Variants in CENPW observed in about 807,000 individuals in gnomAD.
CENPW encodes the protein centromere protein W, also known as cancer-up-regulated gene 2 protein.
CENPW carries 3 observed loss-of-function variants against 11.1 expected under a neutral mutation model. The ratio of observed to expected loss-of-function variants is 0.27; its 90% CI spans 0.12 to 0.70. The LOEUF is 0.70. Among genes scored for constraint, CENPW ranks in the 30% least tolerant of loss-of-function variants. The pLI is 0.77. For missense variants in CENPW, 100 were observed against 105.6 expected (o/e 0.95, Z 0.23); for synonymous variants, 38 against 42.0 (o/e 0.91, Z 0.37).
chr6:126,462,181 G>A, the CENPW span, among the ~76,000 whole-genome samples: 3 of 151,794 alleles, frequency 2.0e-5, no homozygotes, highest in Non-Finnish European at 4.4e-5. Flanking sequence ...ATGTATTTAA[G>A]GTGTGCAACA....
the CENPW span, among the ~76,000 whole-genome samples, chr6:126,454,826 G>A: frequency 7.3e-5 from 11 of 150,734 alleles, no homozygotes; most frequent in African/African-American, 9.7e-5. Flanking sequence ...TAGACCACTA[G>A]CTAGACAAAT....
chr6:126,387,194 C>T, the CENPW span, among the ~76,000 whole-genome samples: 3 of 151,614 alleles, frequency 2.0e-5, no homozygotes, highest in Non-Finnish European at 4.4e-5. Flanking sequence ...TCATCTTTAC[C>T]TTTATTGTTA....
At chr6:126,389,900 C>T in the CENPW span, among the ~76,000 whole-genome samples, 1,129 of 151,952 alleles carry the variant, frequency 7.4e-3, 13 homozygotes, top group African/African-American at 0.026. Flanking sequence ...ATTCATTTCA[C>T]TCTGCTACAA....
At chr6:126,390,064 A>T in the CENPW span, among the ~76,000 whole-genome samples, 1 of 151,948 alleles carries the variant, frequency 6.6e-6, no homozygotes, top group Admixed American at 6.6e-5. Flanking sequence ...TTTCTGCAAA[A>T]GCCAGAAAGA....
chr6:126,396,765 G>A, the CENPW span, among the ~76,000 whole-genome samples: 1 of 152,050 alleles, frequency 6.6e-6, no homozygotes, highest in African/African-American at 2.4e-5. Flanking sequence ...TCAGTTAGCA[G>A]ATGATGAGTG....
At chr6:126,354,795 T>G in the CENPW span, among the ~76,000 whole-genome samples, 5,489 of 152,160 alleles carry the variant, frequency 0.036, 320 homozygotes, top group African/African-American at 0.12. Flanking sequence ...CTGTATATTA[T>G]CTAGCTTTTT....
chr6:126,384,798 C>T, the CENPW span, among the ~76,000 whole-genome samples: 7 of 152,082 alleles, frequency 4.6e-5, no homozygotes, highest in African/African-American at 1.4e-4. Flanking sequence ...ATCTTCTGCA[C>T]AGCCAAAGAA....
chr6:126,399,340 G>A, the CENPW span, among the ~76,000 whole-genome samples: 36 of 152,046 alleles, frequency 2.4e-4, no homozygotes, highest in African/African-American at 8.7e-4. Context: ...TATATCAAAT[G>A]ACAAATGAGA....
chr6:126,447,813 T>C, the CENPW span, among the ~76,000 whole-genome samples: 2 of 151,224 alleles, frequency 1.3e-5, no homozygotes, highest in Non-Finnish European at 3.0e-5. Context: ...AGTAATACCT[T>C]GAAGAGCTAG....
chr6:126,444,755 TC>T, the CENPW span, among the ~76,000 whole-genome samples: 2 of 151,206 alleles, frequency 1.3e-5, no homozygotes, highest in Non-Finnish European at 3.0e-5. Context: ...ATGAATATTA[TC>T]CTTTTTCCTT....
At chr6:126,391,649 A>G in the CENPW span, among the ~76,000 whole-genome samples, 1 of 151,898 alleles carries the variant, frequency 6.6e-6, no homozygotes, top group African/African-American at 2.4e-5. Context: ...TTTTTGTTAT[A>G]TGGCAAGAGA....
the CENPW span, among the ~76,000 whole-genome samples, chr6:126,401,691 G>A: frequency 7.9e-5 from 12 of 152,006 alleles, no homozygotes; most frequent in Non-Finnish European, 7.4e-5. Context: ...TGGATTTGGG[G>A]TTGGGCATTT....
At chr6:126,427,664 A>G in the CENPW span, among the ~76,000 whole-genome samples, 1 of 152,192 alleles carries the variant, frequency 6.6e-6, no homozygotes, top group African/African-American at 2.4e-5. Flanking sequence ...TTTTTAATCT[A>G]TTGAATGAGT....
chr6:126,458,961 A>G, the CENPW span, among the ~76,000 whole-genome samples: 1 of 151,430 alleles, frequency 6.6e-6, no homozygotes, highest in African/African-American at 2.4e-5. Context: ...TTCTTCATGG[A>G]CCAGTAAAAC....
chr6:126,445,547 C>T, the CENPW span, among the ~76,000 whole-genome samples: 2 of 151,118 alleles, frequency 1.3e-5, no homozygotes, highest in African/African-American at 4.8e-5. Flanking sequence ...ATTTAACTAT[C>T]TGCTTTTTTG....
chr6:126,465,321 CAT>C, the CENPW span, among the ~76,000 whole-genome samples: 6 of 151,996 alleles, frequency 3.9e-5, no homozygotes, highest in Admixed American at 1.3e-4. Flanking sequence ...CCTAACAAAA[CAT>C]ATGAATCACC....
the CENPW span, among the ~76,000 whole-genome samples, chr6:126,414,969 T>A: frequency 6.6e-6 from 1 of 151,882 alleles, no homozygotes; most frequent in Non-Finnish European, 1.5e-5. Flanking sequence ...TGAATAACCA[T>A]ACAACAAAAT....
chr6:126,412,896 G>T, the CENPW span, among the ~76,000 whole-genome samples: 4 of 152,074 alleles, frequency 2.6e-5, no homozygotes, highest in African/African-American at 7.2e-5. Context: ...ACAGAGCTGG[G>T]GTTTGGGAGG....
the CENPW span, among the ~76,000 whole-genome samples, chr6:126,443,178 G>GT: frequency 4.0e-5 from 6 of 151,138 alleles, no homozygotes; most frequent in Non-Finnish European, 8.9e-5. Flanking sequence ...TTAAGAATTA[G>GT]TTTTTTCAAA....
Sources: gnomAD v4.1 joint callset for allele counts (sites outside exome capture counted in the v4.1 genomes callset) on GRCh38, gnomAD v4.1.1 for gene constraint, MANE v1.5 for transcripts, NCBI Gene and HGNC (gene_info 2026-07-23, HGNC 2026-07-21) for gene names.